The following CDH18 variants were observed in gnomAD, a reference collection of about 807,000 sequenced individuals.
The protein encoded by CDH18 is cadherin 18, also known as cadherin-18.
CDH18 carries 31 observed loss-of-function variants against 67.9 expected under a neutral mutation model. The ratio of observed to expected loss-of-function variants is 0.46; its 90% CI spans 0.34 to 0.62. The LOEUF is 0.62. Among genes scored for constraint, CDH18 ranks in the 20% least tolerant of loss-of-function variants. The pLI is 0.01. For synonymous variants in CDH18, 362 were observed against 347.2 expected (o/e 1.04, Z -0.48); for missense variants, 890 against 975.5 (o/e 0.91, Z 1.17).
In CDH18 at chr5:19,979,991, G is replaced by A. The variant is rs117242699; in HGVS notation, c.-257+1069C>T. Among the ~76,000 whole-genome samples the A allele has an allele frequency of 7.8e-3, 1,191 of 152,150 alleles. 75 individuals carry two copies. The East Asian group carries it at 0.17, about 22-fold the overall frequency. On this transcript the variant is annotated intron_variant, in intron 2 of 12. Coordinates refer to ENST00000382275, the MANE Select transcript of CDH18 (RefSeq NM_004934.5). ...AGACAAGAGAAAGAAATAAAGCATCGAAATTGGTAAAGAAGAAGTCAAACT... is the reference window on the plus strand; with the variant it reads ...AGACAAGAGAAAGAAATAAAGCATCAAAATTGGTAAAGAAGAAGTCAAACT...
At chr5:19,897,814 C>A (rs546283608) in intron 2 of CDH18, among the ~76,000 whole-genome samples, 1 of 152,112 alleles carries the variant, frequency 6.6e-6, no homozygotes, top group African/African-American at 2.4e-5. Context: ...GTGAACAAGA[C>A]TATTTATTTG....
At chr5:20,129,689 A>G (rs1157239833) in intron 2 of CDH18, among the ~76,000 whole-genome samples, 1 of 152,094 alleles carries the variant, frequency 6.6e-6, no homozygotes, top group African/African-American at 2.4e-5. Context: ...GGTCCCAGAT[A>G]AGGAGAGCCA....
chr5:19,492,823 T>C (rs2126680065), intron 11 of CDH18, among the ~76,000 whole-genome samples: 2 of 152,274 alleles, frequency 1.3e-5, no homozygotes, highest in South Asian at 4.1e-4. Flanking sequence ...ACTTTCCAGA[T>C]AAATACGGAG....
At chr5:19,871,461 G>C (rs1008045020) in intron 2 of CDH18, among the ~76,000 whole-genome samples, 3 of 152,052 alleles carry the variant, frequency 2.0e-5, no homozygotes, top group Non-Finnish European at 4.4e-5. Flanking sequence ...GCAAAGCAAA[G>C]CGAAATGAAA....
At chr5:19,635,567 G>A (rs1753020128) in intron 5 of CDH18, among the ~76,000 whole-genome samples, 1 of 152,084 alleles carries the variant, frequency 6.6e-6, no homozygotes, top group Admixed American at 6.6e-5. Context: ...GTAGCAATTT[G>A]TAGGGAAAAA....
intron 2 of CDH18, among the ~76,000 whole-genome samples, chr5:20,249,890 A>G (rs1743698087): frequency 6.6e-6 from 1 of 152,114 alleles, no homozygotes; most frequent in South Asian, 2.1e-4. Flanking sequence ...ACGAAAGCCC[A>G]CATCCTTAAC....
chr5:19,885,888 T>C (rs1788144137), intron 2 of CDH18, among the ~76,000 whole-genome samples: 1 of 152,194 alleles, frequency 6.6e-6, no homozygotes. Flanking sequence ...TTTAATTTCT[T>C]ATATGGTGAG....
intron 1 of CDH18, among the ~76,000 whole-genome samples, chr5:20,493,106 TAGG>T (rs1753684030): frequency 6.6e-6 from 1 of 152,008 alleles, no homozygotes; most frequent in Non-Finnish European, 1.5e-5. Flanking sequence ...CCCAGCACTC[TAGG>T]AGGCCTAGGC....
chr5:19,597,185 G>A (rs540736025), intron 6 of CDH18, among the ~76,000 whole-genome samples: 4 of 152,322 alleles, frequency 2.6e-5, no homozygotes, highest in Admixed American at 2.6e-4. Context: ...AGCCATGTGA[G>A]TAAGCTGGAA....
chr5:20,538,906 T>G (rs1265564250), intron 1 of CDH18, among the ~76,000 whole-genome samples: 1 of 132,966 alleles, frequency 7.5e-6, no homozygotes, highest in African/African-American at 2.9e-5. Context: ...CTGTTTTTTT[T>G]TTGTTTTTTT....
At chr5:19,788,487 A>C (rs1384718550) in intron 3 of CDH18, among the ~76,000 whole-genome samples, 1 of 152,156 alleles carries the variant, frequency 6.6e-6, no homozygotes, top group Non-Finnish European at 1.5e-5. Flanking sequence ...CTAGTTGCAT[A>C]TTTCACTTGA....
chr5:19,859,989 GGTGTGTGTGTGT>G (rs3065070), intron 2 of CDH18, among the ~76,000 whole-genome samples: 1 of 143,148 alleles, frequency 7.0e-6, no homozygotes, highest in South Asian at 2.3e-4. Context: ...GTTTGCTTTG[GGTGTGTGTGTGT>G]GTGTGTGTGT....
At chr5:19,566,000 T>G (rs964372226) in intron 8 of CDH18, among the ~76,000 whole-genome samples, 1 of 151,958 alleles carries the variant, frequency 6.6e-6, no homozygotes, top group South Asian at 2.1e-4. Context: ...CGGAATATAA[T>G]TGAAGCTCAA....
intron 2 of CDH18, among the ~76,000 whole-genome samples, chr5:19,865,763 T>C (rs758713099): frequency 2.5e-4 from 38 of 152,210 alleles, no homozygotes; most frequent in Non-Finnish European, 4.7e-4. Flanking sequence ...TCCAATCCTC[T>C]TTGTTGTTTA....
rs1737904811 is a variant in CDH18 at position 20,016,613 on chromosome 5, G to C, written c.-517-24599C>G. 2.6e-5 allele frequency among the ~76,000 whole-genome samples: 4 copies of C among 152,144 alleles called. No homozygotes were observed. In the South Asian group the frequency reaches 8.3e-4, roughly 32 times the overall value. ...AATAATTCAGCATTGCATAGTTGCAGTCAGAGTGCTGGTTGAGGCAGAAGT... is the reference window on the plus strand; with the variant it reads ...AATAATTCAGCATTGCATAGTTGCACTCAGAGTGCTGGTTGAGGCAGAAGT... On this transcript the variant is annotated intron_variant, in intron 2 of 14. Transcript: ENST00000507958.
intron 3 of CDH18, among the ~76,000 whole-genome samples, chr5:19,751,743 A>G (rs1340672454): frequency 6.6e-6 from 1 of 152,254 alleles, no homozygotes; most frequent in Non-Finnish European, 1.5e-5. Flanking sequence ...ATAATTTTTA[A>G]TTACACACCA....
chr5:20,074,018 CG>C (rs963048959), intron 2 of CDH18, among the ~76,000 whole-genome samples: 16 of 152,124 alleles, frequency 1.1e-4, no homozygotes, highest in Admixed American at 9.2e-4. Flanking sequence ...TTTTTCTTTA[CG>C]TAATCAGAAA....
intron 3 of CDH18, among the ~76,000 whole-genome samples, chr5:19,829,093 A>C (rs1581538374): frequency 6.6e-6 from 1 of 152,132 alleles, no homozygotes; most frequent in Non-Finnish European, 1.5e-5. Context: ...TGAAAAATCC[A>C]TAGTGATCAA....
chr5:20,569,845 TAATAA>T (rs1337959433), intron 1 of CDH18, among the ~76,000 whole-genome samples: 1 of 152,126 alleles, frequency 6.6e-6, no homozygotes, highest in Non-Finnish European at 1.5e-5. Flanking sequence ...TATTATTCAG[TAATAA>T]AATGAAATGA....
Sources: gnomAD v4.1 joint callset for allele counts (sites outside exome capture counted in the v4.1 genomes callset) on GRCh38, gnomAD v4.1.1 for gene constraint, MANE v1.5 for transcripts, NCBI Gene and HGNC (gene_info 2026-07-23, HGNC 2026-07-21) for gene names.